The following TANGO6 variants were observed in gnomAD, a reference collection of about 807,000 sequenced individuals.
The protein encoded by TANGO6 is transport and Golgi organization protein 6 homolog.
In TANGO6, 90 loss-of-function variants were observed where a neutral mutation model predicts 114.2. The ratio of observed to expected loss-of-function variants is 0.79; its 90% CI spans 0.66 to 0.94. TANGO6 has a LOEUF of 0.94. TANGO6 is among the 40% of genes least tolerant of loss of function. TANGO6 has a pLI of 0.00. For missense variants in TANGO6, 1,274 were observed against 1,315.3 expected (o/e 0.97, Z 0.49); for synonymous variants, 477 against 509.8 (o/e 0.94, Z 0.87).
rs1960499175 is a variant in TANGO6 at position 69,083,650 on chromosome 16, G to A, written c.3274G>A (p.Val1092Ile). Reference protein sequence around the residue: ...PPQKLEKKIMVLP With the variant: ...PPQKLEKKIMILP The stretch of plus-strand genomic sequence containing the variant: ...ACAGAAGCTGGAGAAGAAGATCATG[G>A]TCCTGCCGTAGACCTGGCTCCAAGG... The change falls in exon 18 of 18, where the codon GTC becomes ATC. Residue 1092 changes from valine to isoleucine, a missense_variant. Physicochemically the swap from Val to Ile is conservative, Grantham distance 29. This residue lies in a region of TANGO6 where 238 missense variants were observed against 252.9 expected (regional missense o/e 0.94). Transcript: ENST00000261778. 1.2e-5 allele frequency: 19 copies of A among 1,559,472 alleles called. No homozygotes were observed. The East Asian group carries it at 4.6e-4, about 37-fold the overall frequency.
chr16:69,021,854 C>T (rs1459127622), intron 15 of TANGO6, among the ~76,000 whole-genome samples: 2 of 148,780 alleles, frequency 1.3e-5, no homozygotes, highest in African/African-American at 2.5e-5. Context: ...ATGATATATA[C>T]ATTTTTTGTA....
chr16:69,061,607 A>G (rs1323235542), intron 17 of TANGO6, among the ~76,000 whole-genome samples: 1 of 152,130 alleles, frequency 6.6e-6, no homozygotes, highest in Non-Finnish European at 1.5e-5. Context: ...TTAGCTGTCA[A>G]AATTTTAGCA....
intron 15 of TANGO6, among the ~76,000 whole-genome samples, chr16:69,011,334 G>A (rs1964141618): frequency 6.6e-6 from 1 of 151,984 alleles, no homozygotes; most frequent in Non-Finnish European, 1.5e-5. Context: ...TTGGCAGAGT[G>A]GAATTCTTTT....
chr16:68,980,684 T>C (rs981744897), intron 15 of TANGO6, among the ~76,000 whole-genome samples: 1 of 151,848 alleles, frequency 6.6e-6, no homozygotes, highest in Non-Finnish European at 1.5e-5. Context: ...GCTTTATATA[T>C]TTTTATGTCT....
chr16:69,020,930 GT>G (rs113427783), intron 15 of TANGO6, among the ~76,000 whole-genome samples: 4 of 125,596 alleles, frequency 3.2e-5, no homozygotes, highest in East Asian at 4.9e-4. Context: ...GTGTGTGTGT[GT>G]GTGTGTGTGT....
intron 3 of TANGO6, among the ~76,000 whole-genome samples, chr16:68,866,390 G>A (rs1475327496): frequency 1.3e-5 from 2 of 151,758 alleles, no homozygotes; most frequent in African/African-American, 2.4e-5. Context: ...TTGGGAGGCC[G>A]AGGCGGGTGG....
At chr16:68,878,997 G>C (rs1237841506) in intron 6 of TANGO6, among the ~76,000 whole-genome samples, 1 of 151,992 alleles carries the variant, frequency 6.6e-6, no homozygotes, top group Non-Finnish European at 1.5e-5. Flanking sequence ...GATCGCTTGA[G>C]CCTGGGAGGT....
intron 14 of TANGO6, among the ~76,000 whole-genome samples, chr16:68,947,830 G>A (rs369424022): frequency 2.9e-4 from 44 of 152,054 alleles, no homozygotes; most frequent in East Asian, 9.7e-4. Flanking sequence ...GACCTCAGGT[G>A]ATCCGCCTGC....
intron 9 of TANGO6, among the ~76,000 whole-genome samples, chr16:68,907,091 A>G (rs1335587698): frequency 6.8e-6 from 1 of 146,308 alleles, no homozygotes; most frequent in Non-Finnish European, 1.5e-5. Context: ...CACCTCACCC[A>G]GACCTTGATT....
At chr16:68,969,130 T>C (rs781093840) in intron 14 of TANGO6, among the ~76,000 whole-genome samples, 21 of 152,310 alleles carry the variant, frequency 1.4e-4, no homozygotes, top group Admixed American at 7.8e-4. Context: ...GCTAGTTTCC[T>C]ACGGTCAGAG....
chr16:68,897,735 T>C (rs1216046566), intron 7 of TANGO6, among the ~76,000 whole-genome samples: 1 of 152,064 alleles, frequency 6.6e-6, no homozygotes, highest in East Asian at 1.9e-4. Flanking sequence ...TGTGCCACCA[T>C]GCACTGCTAA....
At position 68,860,332 on chromosome 16, in the gene TANGO6, C is replaced by T. The variant is rs755279453; in HGVS notation, c.543C>T (p.Asp181=). ...YRTEFGAVVQ[D]VVCFDAAPDA... ...CTGAATTTGGTGCCGTCGTTCAAGA[C>T]GTGGTGTGTTTTGATGCTGCCCCCG... The change falls in exon 2 of 18, where the codon GAC becomes GAT. Residue 181 remains aspartate, a synonymous_variant. Coordinates refer to ENST00000261778, the MANE Select transcript of TANGO6 (RefSeq NM_024562.2). The T allele has an allele frequency of 6.2e-6, 10 of 1,613,960 alleles. No individual in the cohort carries two copies. Among genetic ancestry groups the T allele is most frequent in the South Asian group, 3.3e-5 (3 of 91,080 alleles).
At chr16:68,992,038 C>T (rs1289634268) in intron 15 of TANGO6, among the ~76,000 whole-genome samples, 1 of 151,866 alleles carries the variant, frequency 6.6e-6, no homozygotes, top group Non-Finnish European at 1.5e-5. Flanking sequence ...GGGTTATAAT[C>T]CACCCAGCAA....
intron 7 of TANGO6, among the ~76,000 whole-genome samples, chr16:68,895,014 A>G (rs114463568): frequency 1.9e-3 from 291 of 152,260 alleles, no homozygotes; most frequent in African/African-American, 6.5e-3. Flanking sequence ...TCTTTGCTCA[A>G]CTGACTGACT....
intron 15 of TANGO6, among the ~76,000 whole-genome samples, chr16:69,002,054 T>G (rs1818498509): frequency 6.6e-6 from 1 of 152,098 alleles, no homozygotes; most frequent in Admixed American, 6.6e-5. Context: ...AGCCTTAGAT[T>G]TTGAGAGGGA....
rs184549812 is a variant in TANGO6 at position 69,072,739 on chromosome 16, C to A, written c.3109-10746C>A. Among the ~76,000 whole-genome samples, 66 of 152,280 alleles carry A rather than the reference C, an allele frequency of 4.3e-4. 2 individuals carry two copies. Among genetic ancestry groups the A allele is most frequent in the Middle Eastern group, 3.4e-3 (1 of 294 alleles). On this transcript the variant is annotated intron_variant, in intron 17 of 17. Transcript: ENST00000261778. ...AAAACAGAGATCCGGTAACTGATAA[C>A]AGGGAGCTCAGCACCCCTCAAGTGT...
At chr16:69,064,017 AGC>A (rs1960177692) in intron 17 of TANGO6, among the ~76,000 whole-genome samples, 1 of 151,780 alleles carries the variant, frequency 6.6e-6, no homozygotes, top group Admixed American at 6.6e-5. Context: ...TTGTGTTTTT[AGC>A]AGAGACGGGG....
At chr16:68,995,611 A>G (rs1963983700) in intron 15 of TANGO6, among the ~76,000 whole-genome samples, 1 of 152,186 alleles carries the variant, frequency 6.6e-6, no homozygotes, top group South Asian at 2.1e-4. Flanking sequence ...TCCTCTCCAG[A>G]CTAGAATGAA....
intron 17 of TANGO6, among the ~76,000 whole-genome samples, chr16:69,044,359 G>A (rs994349010): frequency 2.6e-5 from 4 of 152,076 alleles, no homozygotes; most frequent in Non-Finnish European, 5.9e-5. Flanking sequence ...ATTTTTGCCG[G>A]GTGCGGTGAC....
Sources: allele counts gnomAD v4.1 joint callset (sites outside exome capture counted in the v4.1 genomes callset), GRCh38; gene constraint gnomAD v4.1.1; regional missense constraint gnomAD v4.1.1; transcripts MANE v1.5; gene names NCBI Gene and HGNC (gene_info 2026-07-23, HGNC 2026-07-21).